TRHDE: variants seen among roughly 807,000 people sequenced by gnomAD.
TRHDE encodes the protein thyrotropin-releasing hormone-degrading ectoenzyme.
TRHDE carries 72 observed loss-of-function variants against 125.7 expected under a neutral mutation model. The observed-to-expected ratio is 0.57, with a 90% CI of 0.47 to 0.70. The LOEUF (loss-of-function observed/expected upper bound fraction) is 0.70, where lower values mean the gene tolerates loss of function less well. Among genes scored for constraint, TRHDE ranks in the 30% least tolerant of loss-of-function variants. The pLI, the probability that TRHDE is intolerant of heterozygous loss-of-function variation, is 0.00. For missense variants in TRHDE, 1,110 were observed against 1,327.1 expected (o/e 0.84, Z 2.54); for synonymous variants, 509 against 509.1 (o/e 1.00, Z 0.00).
At chr12:72,188,789 G>A (rs1877280789) in intron 2 of TRHDE, among the ~76,000 whole-genome samples, 3 of 152,202 alleles carry the variant, frequency 2.0e-5, no homozygotes, top group African/African-American at 7.2e-5. Context: ...GGAAGGGGAA[G>A]GCATGCCTAT....
chr12:72,534,632 T>G (rs1489570799), intron 6 of TRHDE, among the ~76,000 whole-genome samples: 1 of 152,084 alleles, frequency 6.6e-6, no homozygotes, highest in East Asian at 1.9e-4. Flanking sequence ...TTTTTGAAGT[T>G]TATTATATAC....
chr12:72,527,419 G>A (rs1305740405), intron 6 of TRHDE, among the ~76,000 whole-genome samples: 1 of 152,092 alleles, frequency 6.6e-6, no homozygotes, highest in Non-Finnish European at 1.5e-5. Context: ...TAGGGCAATT[G>A]TGGAATTTCA....
At chr12:72,372,761 G>A (rs975714168) in intron 2 of TRHDE, among the ~76,000 whole-genome samples, 4 of 152,066 alleles carry the variant, frequency 2.6e-5, no homozygotes, top group East Asian at 1.9e-4. Context: ...CTCTGTTTTG[G>A]TACCAGTACC....
chr12:72,273,591 C>A lies in TRHDE; in HGVS notation c.914+34C>A. On this transcript the variant is annotated intron_variant, in intron 1 of 18. Transcript: ENST00000261180. The surrounding 1 kb of genome is among the most constrained non-coding windows in gnomAD (Gnocchi z 5.3). ...GGAGGCGGTGCCCCGCGCTGCCCCA[C>A]CCCGGCGCGCGGCTCGAACCTCTGG... is the stretch of plus-strand genomic sequence containing the variant. 6.5e-7 allele frequency: 1 copy of A among 1,540,610 alleles called. No individual in the cohort carries two copies. The highest frequency in any genetic ancestry group is 1.2e-5 in the South Asian group (1 of 84,240).
At chr12:72,629,593 TATA>T (rs1384546095) in intron 15 of TRHDE, among the ~76,000 whole-genome samples, 1 of 151,720 alleles carries the variant, frequency 6.6e-6, no homozygotes, top group Admixed American at 6.6e-5. Context: ...TTATTAAACT[TATA>T]ATAATAAGCA....
chr12:72,510,165 C>T (rs1361355300), intron 6 of TRHDE, among the ~76,000 whole-genome samples: 1 of 152,094 alleles, frequency 6.6e-6, no homozygotes. Context: ...GTCTTCCTGG[C>T]TCTTATTTTT....
intron 6 of TRHDE, among the ~76,000 whole-genome samples, chr12:72,533,207 T>C (rs1283010968): frequency 6.6e-6 from 1 of 152,034 alleles, no homozygotes; most frequent in Non-Finnish European, 1.5e-5. Flanking sequence ...GGAGTTTTGC[T>C]CTTGTCACCC....
Position 72,663,037 on chromosome 12 carries a change from A to G in TRHDE, c.3067-15A>G. The G allele has an allele frequency of 1.3e-6, 2 of 1,595,632 alleles. No homozygotes were observed. Among genetic ancestry groups the G allele is most frequent in the Non-Finnish European group, 1.7e-6 (2 of 1,171,246 alleles). ...AAGACAGGCAGATTTACCATTTAAAAATTTCTCTTTCCAGCTCAAGAACTT... is the reference window on the plus strand; with the variant it reads ...AAGACAGGCAGATTTACCATTTAAAGATTTCTCTTTCCAGCTCAAGAACTT... On this transcript the variant is annotated splice_polypyrimidine_tract_variant and intron_variant, in intron 18 of 18. Transcript: ENST00000261180.
chr12:72,611,234 CA>C (rs1488626921), intron 12 of TRHDE: 2 of 185,988 alleles, frequency 1.1e-5, no homozygotes, highest in Admixed American at 1.1e-4. Flanking sequence ...ATCACCAGAG[CA>C]CACACCAGAC....
At chr12:72,351,751 T>G (rs1199355759) in intron 2 of TRHDE, among the ~76,000 whole-genome samples, 1 of 151,948 alleles carries the variant, frequency 6.6e-6, no homozygotes, top group South Asian at 2.1e-4. Context: ...ATCAATATCT[T>G]TCCATTGCAC....
intron 5 of TRHDE, among the ~76,000 whole-genome samples, chr12:72,496,332 T>A (rs1877914634): frequency 2.0e-5 from 3 of 152,312 alleles, no homozygotes; most frequent in East Asian, 1.9e-4. Context: ...GGGTAATTTA[T>A]GAAGGAAAGA....
intron 12 of TRHDE, among the ~76,000 whole-genome samples, chr12:72,595,262 A>G (rs1156876190): frequency 1.3e-5 from 2 of 151,700 alleles, no homozygotes; most frequent in African/African-American, 4.9e-5. Context: ...TTAAAGTATA[A>G]TAATAATAAA....
intron 6 of TRHDE, among the ~76,000 whole-genome samples, chr12:72,526,779 A>G (rs1042093644): frequency 6.6e-6 from 1 of 152,122 alleles, no homozygotes; most frequent in African/African-American, 2.4e-5. Flanking sequence ...TATGACTTTG[A>G]TATAATACCA....
In TRHDE at chr12:72,464,151, A is replaced by G. The variant is rs150373467; in HGVS notation, c.1316-5607A>G. Among the ~76,000 whole-genome samples the G allele has an allele frequency of 8.5e-5, 13 of 152,294 alleles. No individual in the cohort carries two copies. In the East Asian group the frequency reaches 2.5e-3, roughly 29 times the overall value. ...CTATCAAATGGCAGCCTACTACAAGATGCTTAGATATTTTCATCTAGTGCT... is the reference window on the plus strand; with the variant it reads ...CTATCAAATGGCAGCCTACTACAAGGTGCTTAGATATTTTCATCTAGTGCT... On this transcript the variant is annotated intron_variant, in intron 3 of 18. Transcript: ENST00000261180.
chr12:72,110,180 T>A (rs977081306), intron 2 of TRHDE, among the ~76,000 whole-genome samples: 1 of 151,896 alleles, frequency 6.6e-6, no homozygotes, highest in Non-Finnish European at 1.5e-5. Flanking sequence ...GGATTGGGAG[T>A]GCTGAGGACA....
intron 6 of TRHDE, among the ~76,000 whole-genome samples, chr12:72,516,382 A>C (rs2135955513): frequency 6.6e-6 from 1 of 152,268 alleles, no homozygotes; most frequent in South Asian, 2.1e-4. Context: ...TTCAATTCCT[A>C]GGTATTTTAT....
intron 2 of TRHDE, chr12:72,257,090 G>A (rs975917463): frequency 1.3e-5 from 2 of 152,002 alleles, no homozygotes; most frequent in African/African-American, 4.8e-5. Flanking sequence ...TGTTGTAATT[G>A]TTGTCATCTT....
At chr12:72,174,594 TC>T (rs1271106513) in intron 2 of TRHDE, among the ~76,000 whole-genome samples, 1 of 152,216 alleles carries the variant, frequency 6.6e-6, no homozygotes, top group African/African-American at 2.4e-5. Context: ...CTATTTTTTT[TC>T]CTTCATGGAT....
chr12:72,315,534 G>A (rs1434734954), intron 2 of TRHDE, among the ~76,000 whole-genome samples: 1 of 152,124 alleles, frequency 6.6e-6, no homozygotes, highest in Non-Finnish European at 1.5e-5. Context: ...GTAAAGTGCT[G>A]CAGGATATTA....
Sources: gnomAD v4.1 joint callset for allele counts (sites outside exome capture counted in the v4.1 genomes callset) on GRCh38, gnomAD v4.1.1 for gene constraint, Gnocchi (gnomAD v3.1) non-coding constraint, MANE v1.5 for transcripts, NCBI Gene and HGNC (gene_info 2026-07-23, HGNC 2026-07-21) for gene names.